PLXDC2: variants seen among roughly 807,000 people sequenced by gnomAD.
The protein encoded by PLXDC2 is plexin domain containing 2.
A neutral mutation model predicts 68.9 loss-of-function variants in PLXDC2; 40 were observed. The observed-to-expected ratio is 0.58, with a 90% CI of 0.45 to 0.76. The LOEUF (loss-of-function observed/expected upper bound fraction) is 0.76, where lower values mean the gene tolerates loss of function less well. Ranked by LOEUF, PLXDC2 falls within the 30% of genes least tolerant of loss-of-function variation. The pLI is 0.00. For missense variants in PLXDC2, 644 were observed against 661.9 expected, an observed-to-expected ratio of 0.97 and a Z score of 0.30; for synonymous variants, 243 against 234.2, an observed-to-expected ratio of 1.04 and a Z score of -0.34.
intron 1 of PLXDC2, among the ~76,000 whole-genome samples, chr10:19,977,392 A>G (rs1834475448): frequency 1.3e-5 from 2 of 152,180 alleles, no homozygotes; most frequent in African/African-American, 2.4e-5. Context: ...CTGGAGAACA[A>G]TCTTCTATCC....
intron 1 of PLXDC2, among the ~76,000 whole-genome samples, chr10:19,898,375 C>G (rs1260689726): frequency 6.6e-6 from 1 of 152,166 alleles, no homozygotes; most frequent in Non-Finnish European, 1.5e-5. Context: ...GGTAAATTCT[C>G]TTTCTCGCGC....
At chr10:19,973,960 AG>A (rs1258072060) in intron 1 of PLXDC2, among the ~76,000 whole-genome samples, 2 of 152,188 alleles carry the variant, frequency 1.3e-5, no homozygotes, top group African/African-American at 4.8e-5. Context: ...CATTTTTTCA[AG>A]AGAGTTTTAT....
At chr10:20,101,144 A>G (rs1296890197) in intron 4 of PLXDC2, among the ~76,000 whole-genome samples, 1 of 152,200 alleles carries the variant, frequency 6.6e-6, no homozygotes, top group Non-Finnish European at 1.5e-5. Context: ...TTAGGGGTAC[A>G]GTGGCTTCTA....
intron 1 of PLXDC2, among the ~76,000 whole-genome samples, chr10:19,824,003 G>C (rs1220589602): frequency 6.6e-6 from 1 of 152,076 alleles, no homozygotes; most frequent in South Asian, 2.1e-4. Flanking sequence ...GTGTGACCCT[G>C]TCTCAAAAAG....
intron 1 of PLXDC2, among the ~76,000 whole-genome samples, chr10:19,877,975 T>C (rs1837663540): frequency 6.6e-6 from 1 of 152,184 alleles, no homozygotes; most frequent in Non-Finnish European, 1.5e-5. Context: ...ATTGCCACAA[T>C]ATGTCCCATA....
chr10:19,822,676 T>C (rs1006604327), intron 1 of PLXDC2, among the ~76,000 whole-genome samples: 1 of 152,182 alleles, frequency 6.6e-6, no homozygotes, highest in Non-Finnish European at 1.5e-5. Flanking sequence ...TTAATATTAG[T>C]AGGTGTGAGA....
At chr10:20,171,611 A>G (rs933295677) in intron 7 of PLXDC2, among the ~76,000 whole-genome samples, 1 of 152,306 alleles carries the variant, frequency 6.6e-6, no homozygotes, top group Admixed American at 6.5e-5. Context: ...TTTAAAGACA[A>G]GTAAAAAAAT....
intron 13 of PLXDC2, among the ~76,000 whole-genome samples, chr10:20,246,738 A>C (rs1447184021): frequency 6.6e-6 from 1 of 152,190 alleles, no homozygotes; most frequent in Non-Finnish European, 1.5e-5. Context: ...AATAAAAGAA[A>C]TCTTCTCTTG....
intron 1 of PLXDC2, among the ~76,000 whole-genome samples, chr10:19,914,144 A>ATACATCAAGTGAAT: frequency 6.6e-6 from 1 of 151,612 alleles, no homozygotes; most frequent in African/African-American, 2.4e-5. Flanking sequence ...GAAAGAAGGA[A>ATACATCAAGTGAAT]GGAAGGAAGG....
At chr10:20,157,193 TG>T (rs1834228786) in intron 6 of PLXDC2, among the ~76,000 whole-genome samples, 1 of 152,234 alleles carries the variant, frequency 6.6e-6, no homozygotes, top group Non-Finnish European at 1.5e-5. Flanking sequence ...CAGATAAGAA[TG>T]GGTAAAACAG....
intron 5 of PLXDC2, among the ~76,000 whole-genome samples, chr10:20,145,851 T>G (rs4634985): frequency 6.6e-6 from 1 of 151,918 alleles, no homozygotes; most frequent in Non-Finnish European, 1.5e-5. Flanking sequence ...CCGCACCTGG[T>G]CAACAGTGTG....
At chr10:20,051,373 G>A (rs1835895361) in intron 3 of PLXDC2, among the ~76,000 whole-genome samples, 1 of 141,954 alleles carries the variant, frequency 7.0e-6, no homozygotes, top group South Asian at 2.3e-4. Context: ...CACACTTACT[G>A]CTGACCCTAA....
At chr10:19,989,734 T>C (rs867281622) in intron 1 of PLXDC2, among the ~76,000 whole-genome samples, 46 of 144,898 alleles carry the variant, frequency 3.2e-4, no homozygotes, top group Middle Eastern at 3.5e-3. Flanking sequence ...AGTCCTTCAA[T>C]TTTTTTACTT....
chr10:20,203,294 T>G (rs1173607421), intron 9 of PLXDC2, among the ~76,000 whole-genome samples: 1 of 48,378 alleles, frequency 2.1e-5, no homozygotes, highest in Non-Finnish European at 3.5e-5. Context: ...TAAGATGAAT[T>G]TTTTTTTTTT....
At chr10:19,961,810 T>C (rs947390722) in intron 1 of PLXDC2, among the ~76,000 whole-genome samples, 1 of 152,182 alleles carries the variant, frequency 6.6e-6, no homozygotes, top group Non-Finnish European at 1.5e-5. Flanking sequence ...TGAAGCTTGA[T>C]TGCTTTGCAT....
At chr10:20,057,891 A>G in intron 3 of PLXDC2, among the ~76,000 whole-genome samples, 1 of 151,146 alleles carries the variant, frequency 6.6e-6, no homozygotes. Context: ...AAGTTGATAA[A>G]TGTAGCAAAA....
intron 13 of PLXDC2, among the ~76,000 whole-genome samples, chr10:20,246,494 C>G (rs1835596998): frequency 1.3e-5 from 2 of 152,218 alleles, no homozygotes; most frequent in Non-Finnish European, 2.9e-5. Context: ...GGACTAGAGG[C>G]AAACACTACC....
chr10:20,263,910 A>G (rs1159183663), intron 13 of PLXDC2, among the ~76,000 whole-genome samples: 1 of 152,028 alleles, frequency 6.6e-6, no homozygotes, highest in East Asian at 1.9e-4. Flanking sequence ...AAATTACTCA[A>G]AGAGCTAAAA....
intron 1 of PLXDC2, among the ~76,000 whole-genome samples, chr10:19,820,009 A>G (rs749697818): frequency 1.3e-5 from 2 of 152,220 alleles, no homozygotes; most frequent in African/African-American, 2.4e-5. Context: ...TACCTGCAAA[A>G]TTTTAAAAAT....
Sources: allele counts gnomAD v4.1 joint callset (sites outside exome capture counted in the v4.1 genomes callset), GRCh38; gene constraint gnomAD v4.1.1; transcripts MANE v1.5; gene names NCBI Gene and HGNC (gene_info 2026-07-23, HGNC 2026-07-21).